The following INSC variants were observed in gnomAD, a reference collection of about 807,000 sequenced individuals.
INSC encodes the protein INSC spindle orientation adaptor protein.
Under a neutral mutation model 58.6 loss-of-function variants are expected in INSC, and 67 were observed. The ratio of observed to expected loss-of-function variants is 1.14; its 90% CI spans 0.94 to 1.40. The LOEUF (loss-of-function observed/expected upper bound fraction) is 1.40, where lower values mean the gene tolerates loss of function less well. Among genes scored for constraint, INSC ranks in the 40% most tolerant of loss-of-function variants. The probability of loss-of-function intolerance (pLI) is 0.00; values close to 1 mark genes in which losing one functional copy is unlikely to be tolerated. For missense variants in INSC, 714 were observed against 692.0 expected (o/e 1.03, Z -0.36); for synonymous variants, 262 against 276.1 (o/e 0.95, Z 0.51).
At chr11:15,150,819 T>A (rs1472778723) in intron 2 of INSC, among the ~76,000 whole-genome samples, 1 of 152,160 alleles carries the variant, frequency 6.6e-6, no homozygotes, top group African/African-American at 2.4e-5. Flanking sequence ...AACTCTACTC[T>A]TGGAATCTCT....
At chr11:15,253,467 ATAAT>A in the INSC span, among the ~76,000 whole-genome samples, 1 of 152,126 alleles carries the variant, frequency 6.6e-6, no homozygotes, top group African/African-American at 2.4e-5. Context: ...AAACCTCAGA[ATAAT>A]TACTGTCCCT....
rs1848145800 is a variant in INSC, at chr11:15,132,395, C to G, written c.-45-16735C>G. ...CAACCTCCTGGGCTCAAATGATCCT[C>G]CCACCTCAGCCTCCTGAGTAGCTGA... is the stretch of plus-strand genomic sequence containing the variant. On this transcript the variant is annotated intron_variant, in intron 1 of 12. Coordinates refer to ENST00000379556, the MANE Select transcript of INSC (RefSeq NM_001042536.3). Among the ~76,000 whole-genome samples, 3 of 152,128 alleles carry G rather than the reference C, an allele frequency of 2.0e-5. No homozygotes were observed. The South Asian group carries it at 6.2e-4, about 31-fold the overall frequency.
chr11:15,243,762 A>G (rs184914210), intron 12 of INSC, among the ~76,000 whole-genome samples: 24 of 150,600 alleles, frequency 1.6e-4, no homozygotes, highest in Admixed American at 4.6e-4. Flanking sequence ...TCTTTTTATC[A>G]CCATAACTCC....
chr11:15,158,573 C>A (rs1216416399), intron 2 of INSC, among the ~76,000 whole-genome samples: 1 of 152,136 alleles, frequency 6.6e-6, no homozygotes, highest in Non-Finnish European at 1.5e-5. Flanking sequence ...CGTAGTCTAT[C>A]CTGCTCACAT....
chr11:15,150,900 C>T (rs1300986861), intron 2 of INSC, among the ~76,000 whole-genome samples: 3 of 152,216 alleles, frequency 2.0e-5, no homozygotes, highest in Non-Finnish European at 4.4e-5. Context: ...CAGTTCACTT[C>T]CTACCAGCTC....
chr11:15,239,053 C>G lies in INSC; in HGVS notation c.1372C>G (p.Arg458Gly). ...ARLSRDPDVA[R>G]EAVRLSCMSR... The stretch of plus-strand genomic sequence containing the variant: ...TCTCAGCCGAGACCCAGATGTGGCA[C>G]GGGAGGCCGTGCGGCTCAGCTGTGA... Residue 458 changes from arginine to glycine, a missense_variant, in exon 11 of 13, where the codon CGG becomes GGG. Physicochemically the swap from Arg to Gly is moderately radical, Grantham distance 125. Transcript: ENST00000379556. 3 of 1,613,614 alleles carry G rather than the reference C, an allele frequency of 1.9e-6. No homozygotes were observed. Among genetic ancestry groups the G allele is most frequent in the Non-Finnish European group, 1.7e-6 (2 of 1,179,852 alleles).
chr11:15,218,441 G>C (rs924149425), intron 7 of INSC, among the ~76,000 whole-genome samples: 2 of 152,074 alleles, frequency 1.3e-5, no homozygotes, highest in South Asian at 4.1e-4. Flanking sequence ...GATCATGAAA[G>C]GTGTGCTGGG....
At chr11:15,261,178 C>G in the INSC span, among the ~76,000 whole-genome samples, 2 of 152,166 alleles carry the variant, frequency 1.3e-5, no homozygotes, top group Non-Finnish European at 2.9e-5. Context: ...GGACAAGTTC[C>G]TCAACTTCCT....
At chr11:15,176,541 A>G (rs1307805337) in intron 3 of INSC, among the ~76,000 whole-genome samples, 1 of 152,182 alleles carries the variant, frequency 6.6e-6, no homozygotes, top group African/African-American at 2.4e-5. Flanking sequence ...CACTTAAAGC[A>G]ATTGATTAAA....
intron 2 of INSC, among the ~76,000 whole-genome samples, chr11:15,155,570 A>C (rs926639365): frequency 6.6e-6 from 1 of 152,188 alleles, no homozygotes; most frequent in Non-Finnish European, 1.5e-5. Context: ...CTCCTCCGTA[A>C]TCCTAGCACA....
intron 9 of INSC, among the ~76,000 whole-genome samples, chr11:15,230,025 T>C (rs1437158295): frequency 2.7e-4 from 17 of 62,596 alleles, no homozygotes; most frequent in African/African-American, 1.1e-3. Context: ...TATATATATA[T>C]ATATATATAT....
chr11:15,191,769 G>A (rs1850187451), intron 6 of INSC, among the ~76,000 whole-genome samples: 1 of 152,160 alleles, frequency 6.6e-6, no homozygotes, highest in African/African-American at 2.4e-5. Context: ...TGTTCTCTGG[G>A]TTCCCATCCA....
intron 2 of INSC, among the ~76,000 whole-genome samples, chr11:15,171,229 C>T (rs1343615241): frequency 6.6e-6 from 1 of 152,078 alleles, no homozygotes; most frequent in African/African-American, 2.4e-5. Flanking sequence ...AGAGCTCTTC[C>T]TTGGGGAGCA....
At chr11:15,220,451 T>C (rs1851394779) in intron 7 of INSC, among the ~76,000 whole-genome samples, 1 of 152,222 alleles carries the variant, frequency 6.6e-6, no homozygotes. Context: ...TCTTGTGTAC[T>C]GACCCCAATG....
intron 1 of INSC, 149 bp from the exon 2 acceptor site, chr11:15,148,981 T>G: frequency 1.1e-6 from 1 of 881,268 alleles, no homozygotes; most frequent in South Asian, 3.2e-5. Context: ...GTGAGGATAC[T>G]GGAGTGTAAA....
intron 2 of INSC, among the ~76,000 whole-genome samples, chr11:15,156,941 A>G (rs1427617308): frequency 1.3e-5 from 2 of 152,190 alleles, no homozygotes; most frequent in Non-Finnish European, 2.9e-5. Context: ...CCAGCTTAGA[A>G]AAAACTTACC....
At chr11:15,188,266 ATTT>A in intron 5 of INSC, 1 of 985,486 alleles carries the variant, frequency 1.0e-6, no homozygotes, top group Non-Finnish European at 1.2e-6. Flanking sequence ...CCACTCTCCT[ATTT>A]GGCAAAACTT....
At chr11:15,242,488 C>T (rs115299957) in intron 12 of INSC, among the ~76,000 whole-genome samples, 155 of 152,226 alleles carry the variant, frequency 1.0e-3, no homozygotes, top group African/African-American at 3.5e-3. Flanking sequence ...CCCCATGGAA[C>T]CTTTCTGTGG....
intron 12 of INSC, among the ~76,000 whole-genome samples, chr11:15,245,551 A>T (rs1852529797): frequency 6.6e-6 from 1 of 152,068 alleles, no homozygotes; most frequent in South Asian, 2.1e-4. Context: ...TTTTTTCCAT[A>T]GTGCTTTCTA....
Sources: allele counts gnomAD v4.1 joint callset (sites outside exome capture counted in the v4.1 genomes callset), GRCh38; gene constraint gnomAD v4.1.1; transcripts MANE v1.5; gene names NCBI Gene and HGNC (gene_info 2026-07-23, HGNC 2026-07-21).